ANGPT4: variants seen among roughly 807,000 people sequenced by gnomAD.
The protein encoded by ANGPT4 is angiopoietin 4.
ANGPT4 carries 50 observed loss-of-function variants against 53.0 expected under a neutral mutation model. The observed-to-expected ratio is 0.94, with a 90% CI of 0.75 to 1.20. ANGPT4 has a LOEUF of 1.20. Ranked by LOEUF, ANGPT4 falls within the 50% of genes most tolerant of loss-of-function variation. The pLI is 0.00. For missense variants in ANGPT4, 648 were observed against 637.1 expected (o/e 1.02, Z -0.18); for synonymous variants, 251 against 259.7 (o/e 0.97, Z 0.32).
chr20:888,997 T>A (rs1361231388), intron 2 of ANGPT4, among the ~76,000 whole-genome samples: 1 of 152,222 alleles, frequency 6.6e-6, no homozygotes. Context: ...CTCCTCCTGG[T>A]CACTCCAGCA....
chr20:898,430 C>T (rs748687476), intron 1 of ANGPT4, among the ~76,000 whole-genome samples: 5 of 152,206 alleles, frequency 3.3e-5, no homozygotes, highest in Non-Finnish European at 7.3e-5. Context: ...AGCATTTAGG[C>T]TCTTTTTCAT....
At chr20:901,506 T>C (rs1193357685) in intron 1 of ANGPT4, among the ~76,000 whole-genome samples, 2 of 152,202 alleles carry the variant, frequency 1.3e-5, no homozygotes, top group Admixed American at 6.5e-5. Context: ...TGACTCCTTT[T>C]TCGGACTCAG....
intron 1 of ANGPT4, among the ~76,000 whole-genome samples, chr20:895,186 C>G (rs924253714): frequency 6.6e-6 from 1 of 152,196 alleles, no homozygotes; most frequent in Non-Finnish European, 1.5e-5. Flanking sequence ...ATCTACTTCT[C>G]TTGTTTTTTT....
chr20:894,280 T>C (rs1246595671), intron 1 of ANGPT4, among the ~76,000 whole-genome samples: 1 of 152,186 alleles, frequency 6.6e-6, no homozygotes, highest in Non-Finnish European at 1.5e-5. Flanking sequence ...TTAGGGATTC[T>C]AAGTTGGCCT....
intron 5 of ANGPT4, 104 bp from the exon 6 acceptor site, chr20:879,952 A>G: frequency 1.5e-6 from 1 of 672,572 alleles, no homozygotes; most frequent in Admixed American, 3.1e-5. Flanking sequence ...CCACAGAGCA[A>G]CAGGTGAGCC....
chr20:884,856 G>GACC (rs1348668860), intron 4 of ANGPT4, among the ~76,000 whole-genome samples: 2 of 152,248 alleles, frequency 1.3e-5, no homozygotes, highest in African/African-American at 4.8e-5. Context: ...AGGGGCAGGG[G>GACC]CATGCCCAAG....
rs149155823 is a variant in ANGPT4, at chr20:915,350, G to A, written c.309+556C>T. 7.6e-3 allele frequency among the ~76,000 whole-genome samples: 1,152 copies of A among 152,122 alleles called. 11 individuals are homozygous for A. The highest frequency in any genetic ancestry group is 0.019 in the African/African-American group (776 of 41,452). Reference sequence around the variant, plus strand: ...TGGTTCTCCAGGCACACACCGCTGCGGATGCATTCCCTCCTCACGGTCAAA... The same window carrying A: ...TGGTTCTCCAGGCACACACCGCTGCAGATGCATTCCCTCCTCACGGTCAAA... On this transcript the variant is annotated intron_variant, in intron 1 of 8. Coordinates refer to ENST00000381922, the MANE Select transcript of ANGPT4 (RefSeq NM_015985.4).
chr20:882,565 A>G (rs149539124), intron 4 of ANGPT4, among the ~76,000 whole-genome samples: 126 of 152,252 alleles, frequency 8.3e-4, no homozygotes, highest in African/African-American at 2.9e-3. Flanking sequence ...CAGTTCACTC[A>G]CAAGCATTTC....
chr20:915,759 C>G (rs753515980), intron 1 of ANGPT4, 147 bp downstream of exon 1: 22 of 1,021,276 alleles, frequency 2.2e-5, no homozygotes, highest in Non-Finnish European at 3.1e-5. Context: ...TGCTGTGTGG[C>G]CTCAGACCCA....
At chr20:900,690 C>A (rs1982251331) in intron 1 of ANGPT4, among the ~76,000 whole-genome samples, 1 of 152,130 alleles carries the variant, frequency 6.6e-6, no homozygotes, top group South Asian at 2.1e-4. Context: ...AAGGAGGACT[C>A]TGAATATTTC....
intron 1 of ANGPT4, among the ~76,000 whole-genome samples, chr20:894,158 A>C (rs1981955738): frequency 6.6e-6 from 1 of 151,446 alleles, no homozygotes; most frequent in Admixed American, 6.6e-5. Flanking sequence ...CTATTTCTTT[A>C]CCTCCCATTT....
chr20:893,633 C>T (rs1664484328), intron 1 of ANGPT4, among the ~76,000 whole-genome samples: 1 of 152,120 alleles, frequency 6.6e-6, no homozygotes, highest in South Asian at 2.1e-4. Context: ...CCCAACTCGC[C>T]ATCTCTGCAT....
intron 1 of ANGPT4, among the ~76,000 whole-genome samples, chr20:907,334 G>A (rs540200822): frequency 2.6e-5 from 4 of 152,254 alleles, no homozygotes; most frequent in South Asian, 2.1e-4. Context: ...GGAGTGTGGC[G>A]GAAAGGGCTG....
intron 4 of ANGPT4, among the ~76,000 whole-genome samples, chr20:883,373 G>A (rs922786020): frequency 1.2e-4 from 18 of 152,224 alleles, no homozygotes; most frequent in Non-Finnish European, 2.5e-4. Context: ...GTAACCTTCT[G>A]AACCAAACTC....
At chr20:873,667 G>A (rs1004473334) in intron 8 of ANGPT4, among the ~76,000 whole-genome samples, 2 of 151,626 alleles carry the variant, frequency 1.3e-5, no homozygotes, top group Non-Finnish European at 2.9e-5. Flanking sequence ...TTTGTCTCCC[G>A]GCCTCTCCTT....
chr20:890,956 C>A (rs960185387), intron 1 of ANGPT4, among the ~76,000 whole-genome samples: 1 of 152,234 alleles, frequency 6.6e-6, no homozygotes, highest in African/African-American at 2.4e-5. Flanking sequence ...CCACTTATCA[C>A]CACCTGACTT....
chr20:880,385 G>A (rs1424030115), intron 5 of ANGPT4, among the ~76,000 whole-genome samples: 2 of 152,106 alleles, frequency 1.3e-5, no homozygotes, highest in Non-Finnish European at 2.9e-5. Flanking sequence ...AGGAGTTTCA[G>A]ACCAGCCTGG....
At chr20:906,106 G>A (rs908974654) in intron 1 of ANGPT4, among the ~76,000 whole-genome samples, 1 of 152,202 alleles carries the variant, frequency 6.6e-6, no homozygotes, top group Non-Finnish European at 1.5e-5. Flanking sequence ...CAACAAGTCA[G>A]GACTGGCTGG....
chr20:897,522 C>T lies in ANGPT4; in HGVS notation c.310-7154G>A, dbSNP rs1363459479. Among the ~76,000 whole-genome samples, 8 of 152,200 alleles carry T rather than the reference C, an allele frequency of 5.3e-5. No individual in the cohort carries two copies. In the East Asian group the frequency reaches 1.2e-3, roughly 22 times the overall value. ...AAAACTGCAGCACCGGTCATGGACTCAGGAAGACAGTCTTCCCTTGGTGTT... is the reference window on the plus strand; with the variant it reads ...AAAACTGCAGCACCGGTCATGGACTTAGGAAGACAGTCTTCCCTTGGTGTT... On this transcript the variant is annotated intron_variant, in intron 1 of 8. Coordinates refer to ENST00000381922, the MANE Select transcript of ANGPT4 (RefSeq NM_015985.4).
Sources: gnomAD v4.1 joint callset for allele counts (sites outside exome capture counted in the v4.1 genomes callset) on GRCh38, gnomAD v4.1.1 for gene constraint, MANE v1.5 for transcripts, NCBI Gene and HGNC (gene_info 2026-07-23, HGNC 2026-07-21) for gene names.